Variants in PPP1R42 observed in about 807,000 individuals in gnomAD.
The protein encoded by PPP1R42 is leucine rich repeat containing 67.
Under a neutral mutation model 31.0 loss-of-function variants are expected in PPP1R42, and 34 were observed. The ratio of observed to expected loss-of-function variants is 1.10; its 90% CI spans 0.83 to 1.46. The LOEUF (loss-of-function observed/expected upper bound fraction) is 1.46, where lower values mean the gene tolerates loss of function less well. Among genes scored for constraint, PPP1R42 ranks in the 40% most tolerant of loss-of-function variants. PPP1R42 has a pLI of 0.00. For synonymous variants in PPP1R42, 103 were observed against 109.8 expected (o/e 0.94, Z 0.39); for missense variants, 268 against 303.0 (o/e 0.88, Z 0.86).
At chr8:66,984,375 C>T (rs1321465904) in intron 6 of PPP1R42, 2 of 1,309,738 alleles carry the variant, frequency 1.5e-6, no homozygotes, top group Non-Finnish European at 2.2e-6. Context: ...GTTCATCCCA[C>T]TTTATCCGAT....
rs372228123 is a variant in PPP1R42, at chr8:66,972,482, CG to C, written c.803-8149del. On this transcript the variant is annotated intron_variant, in intron 7 of 7. Transcript: ENST00000685739. ...TCGGCTCACTACAACCTTTGCCTCC[CG>C]GGTTCAAGTGATTCTCCTGCCTCAG... Among the ~76,000 whole-genome samples the C allele has an allele frequency of 1.9e-3, 282 of 152,182 alleles. 4 individuals carry two copies. The highest frequency in any genetic ancestry group is 6.5e-3 in the African/African-American group (271 of 41,536).
intron 7 of PPP1R42, among the ~76,000 whole-genome samples, chr8:66,978,240 CA>C (rs1222896908): frequency 6.6e-6 from 1 of 152,074 alleles, no homozygotes; most frequent in Non-Finnish European, 1.5e-5. Context: ...GAGAGCCAGG[CA>C]AAAGGGGAAA....
intron 5 of PPP1R42, among the ~76,000 whole-genome samples, chr8:67,008,898 A>G (rs554234022): frequency 1.3e-5 from 2 of 152,348 alleles, no homozygotes; most frequent in South Asian, 2.1e-4. Flanking sequence ...TTTAGAGGCT[A>G]GAAGTTTTGC....
intron 5 of PPP1R42, among the ~76,000 whole-genome samples, chr8:66,994,625 G>A (rs1815285705): frequency 6.6e-6 from 1 of 152,132 alleles, no homozygotes; most frequent in Non-Finnish European, 1.5e-5. Context: ...AAGACAATTT[G>A]TAGATACACA....
intron 6 of PPP1R42, chr8:66,984,481 T>A (rs1026579273): frequency 5.5e-6 from 7 of 1,268,706 alleles, no homozygotes; most frequent in Non-Finnish European, 6.9e-6. Flanking sequence ...TCCTATCAGG[T>A]ACAGTTGCCC....
intron 1 of PPP1R42, among the ~76,000 whole-genome samples, chr8:67,022,423 T>G (rs973454991): frequency 6.6e-6 from 1 of 152,238 alleles, no homozygotes; most frequent in African/African-American, 2.4e-5. Context: ...ATTGATAATA[T>G]GTGTTGCAAA....
chr8:67,024,054 G>A (rs1372357191), intron 1 of PPP1R42, among the ~76,000 whole-genome samples: 1 of 151,922 alleles, frequency 6.6e-6, no homozygotes, highest in Non-Finnish European at 1.5e-5. Context: ...GCTGAGGCAG[G>A]AGAATCACTT....
chr8:67,021,540 A>G (rs1204433994), intron 1 of PPP1R42, among the ~76,000 whole-genome samples: 1 of 152,202 alleles, frequency 6.6e-6, no homozygotes, highest in African/African-American at 2.4e-5. Context: ...AATAAAAATA[A>G]CATTACCTTG....
chr8:67,006,565 T>C (rs1478225256), intron 5 of PPP1R42, among the ~76,000 whole-genome samples: 1 of 152,074 alleles, frequency 6.6e-6, no homozygotes, highest in Non-Finnish European at 1.5e-5. Flanking sequence ...AAAGGTCTTC[T>C]TGTGTTGTCC....
chr8:67,003,001 C>CAAA lies in PPP1R42; in HGVS notation c.552+7711_552+7713dup, dbSNP rs1219485285. ...GAAACCCCCATCTCTACTAAAAATA[C>CAAA]AAAAAAAAAAAAAATTAGCTGGGCG... On this transcript the variant is annotated intron_variant, in intron 5 of 7. Coordinates refer to ENST00000685739, the MANE Select transcript of PPP1R42 (RefSeq NM_001364910.1). Among the ~76,000 whole-genome samples the CAAA allele has an allele frequency of 7.8e-5, 10 of 127,702 alleles. No homozygotes were observed. The South Asian group carries it at 2.5e-3, about 32-fold the overall frequency. 83.8% of individuals were successfully genotyped at this position (127,702 alleles called of 152,430 possible). A position where few individuals can be genotyped will look rare whatever the true frequency, so the allele number is the denominator to read the frequency against.
intron 6 of PPP1R42, among the ~76,000 whole-genome samples, chr8:66,986,847 C>T (rs1815033606): frequency 6.6e-6 from 1 of 152,202 alleles, no homozygotes; most frequent in African/African-American, 2.4e-5. Flanking sequence ...AGCCATCCCT[C>T]CTTAACCTTT....
At chr8:67,005,243 C>G (rs1815638478) in intron 5 of PPP1R42, among the ~76,000 whole-genome samples, 1 of 151,560 alleles carries the variant, frequency 6.6e-6, no homozygotes, top group African/African-American at 2.4e-5. Context: ...ATTCTTTAAA[C>G]TCTCCTCTGC....
rs1175124130 is a variant in PPP1R42, at chr8:66,964,349, A to AG, written c.803-16dup. 7 of 1,234,408 alleles carry AG rather than the reference A, an allele frequency of 5.7e-6. No homozygotes were observed. In the African/African-American group the frequency reaches 7.9e-5, roughly 14 times the overall value. 76.5% of individuals were successfully genotyped at this position (1,234,408 alleles called of 1,614,324 possible). A position where few individuals can be genotyped will look rare whatever the true frequency, so the allele number is the denominator to read the frequency against. On this transcript the variant is annotated splice_polypyrimidine_tract_variant and intron_variant, in intron 7 of 7. Coordinates refer to ENST00000685739, the MANE Select transcript of PPP1R42 (RefSeq NM_001364910.1). Reference sequence around the variant, plus strand: ...AAGAGAGATTCCTGTATTTATAGAGAGGGAAAAAAAAGCATTAAATTAAAA... The same window carrying AG: ...AAGAGAGATTCCTGTATTTATAGAGAGGGGAAAAAAAAGCATTAAATTAAAA...
chr8:67,012,926 T>G (rs1379441766), intron 4 of PPP1R42, 32 bp downstream of exon 4: 1 of 1,578,890 alleles, frequency 6.3e-7, no homozygotes. Context: ...AATCACTATA[T>G]TCCTTGTCAA....
At chr8:66,972,220 G>A (rs1010404826) in intron 7 of PPP1R42, among the ~76,000 whole-genome samples, 2 of 152,152 alleles carry the variant, frequency 1.3e-5, no homozygotes, top group African/African-American at 4.8e-5. Flanking sequence ...AAGCCTGAGA[G>A]TTCCAGGTTT....
chr8:66,983,520 T>C (rs1244162785), intron 6 of PPP1R42, among the ~76,000 whole-genome samples: 1 of 152,148 alleles, frequency 6.6e-6, no homozygotes, highest in Admixed American at 6.5e-5. Context: ...TCTAATAAAA[T>C]TTATGTATAG....
chr8:66,984,910 T>C, intron 6 of PPP1R42: 2 of 1,538,516 alleles, frequency 1.3e-6, no homozygotes, highest in East Asian at 2.3e-5. Context: ...CTTGGTAAGA[T>C]ACACTCCCAA....
intron 5 of PPP1R42, among the ~76,000 whole-genome samples, chr8:66,999,582 G>A (rs868133301): frequency 6.6e-6 from 1 of 152,056 alleles, no homozygotes; most frequent in Admixed American, 6.6e-5. Context: ...ACTCCTGAGC[G>A]CAAGAGATCT....
At chr8:67,007,759 A>G (rs1815728768) in intron 5 of PPP1R42, among the ~76,000 whole-genome samples, 2 of 152,150 alleles carry the variant, frequency 1.3e-5, no homozygotes, top group Admixed American at 6.6e-5. Context: ...TATACATGCT[A>G]CCAACCCATT....
Sources: allele counts gnomAD v4.1 joint callset (sites outside exome capture counted in the v4.1 genomes callset), GRCh38; gene constraint gnomAD v4.1.1; transcripts MANE v1.5; gene names NCBI Gene and HGNC (gene_info 2026-07-23, HGNC 2026-07-21).